The following LPP variants were observed in gnomAD, a reference collection of about 807,000 sequenced individuals.
LPP encodes LIM domain containing preferred translocation partner in lipoma, also known as lipoma-preferred partner.
In LPP, 38 loss-of-function variants were observed where a neutral mutation model predicts 60.4. That is an observed-to-expected ratio of 0.63 (90% CI 0.49 to 0.83). The LOEUF (loss-of-function observed/expected upper bound fraction) is 0.83, where lower values mean the gene tolerates loss of function less well. LPP is among the 40% of genes least tolerant of loss of function. LPP has a pLI of 0.00. For missense variants in LPP, 902 were observed against 783.6 expected (o/e 1.15, Z -1.80); for synonymous variants, 328 against 290.8 (o/e 1.13, Z -1.30).
intron 6 of LPP, among the ~76,000 whole-genome samples, chr3:188,525,174 T>A (rs898985943): frequency 2.0e-5 from 3 of 151,676 alleles, no homozygotes; most frequent in Admixed American, 2.0e-4. Flanking sequence ...ACCATGTTGG[T>A]CAGGCTGGTC....
At chr3:188,274,882 G>A (rs1416368478) in intron 2 of LPP, among the ~76,000 whole-genome samples, 1 of 152,158 alleles carries the variant, frequency 6.6e-6, no homozygotes. Flanking sequence ...TCCATTATGG[G>A]AAAAGGGTAG....
chr3:188,634,779 A>T (rs1848432162), intron 7 of LPP, among the ~76,000 whole-genome samples: 1 of 152,200 alleles, frequency 6.6e-6, no homozygotes, highest in Non-Finnish European at 1.5e-5. Flanking sequence ...GCTCCCACTG[A>T]TTCCACTGAT....
intron 5 of LPP, among the ~76,000 whole-genome samples, chr3:188,511,326 C>G (rs997243641): frequency 3.6e-5 from 5 of 137,526 alleles, no homozygotes; most frequent in Non-Finnish European, 7.8e-5. Flanking sequence ...CCCTCTCTCC[C>G]TCCCTCCCTC....
chr3:188,166,155 TG>T (rs1248463705), intron 1 of LPP, among the ~76,000 whole-genome samples: 1 of 152,070 alleles, frequency 6.6e-6, no homozygotes, highest in Admixed American at 6.5e-5. Context: ...CTATCAACCC[TG>T]ATTTTTTTTT....
rs1416407678 is a variant in LPP, at chr3:188,187,968, A to G, written c.-190+33716A>G. ...TTATTTTTTAATTCCTATATATTTAATAGCCACTCTCCTAGTCCACTGAGT... is the reference window on the plus strand; with the variant it reads ...TTATTTTTTAATTCCTATATATTTAGTAGCCACTCTCCTAGTCCACTGAGT... On this transcript the variant is annotated intron_variant, in intron 1 of 11. Transcript: ENST00000617246. Among the ~76,000 whole-genome samples, 18 of 152,112 alleles carry G rather than the reference A, an allele frequency of 1.2e-4. No individual in the cohort carries two copies. The East Asian group carries it at 3.1e-3, about 26-fold the overall frequency.
intron 6 of LPP, among the ~76,000 whole-genome samples, chr3:188,570,643 G>C (rs1833332655): frequency 6.6e-6 from 1 of 151,950 alleles, no homozygotes; most frequent in African/African-American, 2.4e-5. Flanking sequence ...AAATGCACCA[G>C]ATTTAATCAA....
intron 1 of LPP, among the ~76,000 whole-genome samples, chr3:188,178,219 T>G (rs552916099): frequency 1.3e-5 from 2 of 152,230 alleles, no homozygotes; most frequent in Non-Finnish European, 2.9e-5. Flanking sequence ...TGAGGCAGGT[T>G]GGGAATTCTG....
At chr3:188,708,455 A>G in intron 8 of LPP, 62 bp downstream of exon 8, 1 of 1,609,806 alleles carries the variant, frequency 6.2e-7, no homozygotes, top group Non-Finnish European at 8.5e-7. Flanking sequence ...CTTCCTTAGT[A>G]ATTGGAACTA....
intron 9 of LPP, among the ~76,000 whole-genome samples, chr3:188,804,355 G>T (rs1748431414): frequency 7.0e-6 from 1 of 142,556 alleles, no homozygotes; most frequent in Non-Finnish European, 1.5e-5. Context: ...AGAACTAGGG[G>T]TCGTTATCCT....
At chr3:188,460,597 A>G (rs1020944144) in intron 4 of LPP, among the ~76,000 whole-genome samples, 1 of 152,016 alleles carries the variant, frequency 6.6e-6, no homozygotes, top group African/African-American at 2.4e-5. Flanking sequence ...ATTACTTTTA[A>G]AACATGGTAT....
intron 8 of LPP, 59 bp downstream of exon 8, chr3:188,708,452 A>G (rs1378171249): frequency 1.2e-6 from 2 of 1,611,622 alleles, no homozygotes; most frequent in Admixed American, 1.7e-5. Context: ...TTCCTTCCTT[A>G]GTAATTGGAA....
At chr3:188,804,335 C>T (rs931709062) in intron 9 of LPP, among the ~76,000 whole-genome samples, 1 of 130,034 alleles carries the variant, frequency 7.7e-6, no homozygotes, top group Non-Finnish European at 1.6e-5. Context: ...TCTTTTGCAG[C>T]AACATGGATA....
rs77004976 is a variant in LPP at position 188,801,645 on chromosome 3, G to A, written c.1410+41363G>A. On this transcript the variant is annotated intron_variant, in intron 9 of 11. Coordinates refer to ENST00000617246, the MANE Select transcript of LPP (RefSeq NM_001375462.1). ...CACTCAGCTAGTTAGTACCAGAGTGGTACCCAGATCCGTGATGTCTTGACT... is the reference window on the plus strand; with the variant it reads ...CACTCAGCTAGTTAGTACCAGAGTGATACCCAGATCCGTGATGTCTTGACT... Among the ~76,000 whole-genome samples the A allele has an allele frequency of 1.0e-2, 1,515 of 152,198 alleles. 12 individuals carry two copies. Among genetic ancestry groups the A allele is most frequent in the Non-Finnish European group, 0.016 (1,095 of 68,014 alleles).
At chr3:188,221,821 A>T (rs1005410465) in intron 1 of LPP, among the ~76,000 whole-genome samples, 1 of 152,216 alleles carries the variant, frequency 6.6e-6, no homozygotes, top group Non-Finnish European at 1.5e-5. Context: ...TTTTTATCCC[A>T]AAGCTCCATG....
intron 3 of LPP, among the ~76,000 whole-genome samples, chr3:188,363,328 C>T (rs1306303196): frequency 1.3e-4 from 20 of 152,164 alleles, no homozygotes; most frequent in African/African-American, 4.3e-4. Flanking sequence ...AAGGTAAAAA[C>T]GACACTCTTG....
chr3:188,774,361 A>G (rs914693380), intron 9 of LPP, among the ~76,000 whole-genome samples: 1 of 152,048 alleles, frequency 6.6e-6, no homozygotes, highest in African/African-American at 2.4e-5. Flanking sequence ...ACCGTTTACC[A>G]CTTCTGCTTT....
chr3:188,695,842 C>A (rs1373941042), intron 7 of LPP, among the ~76,000 whole-genome samples: 3 of 152,166 alleles, frequency 2.0e-5, no homozygotes, highest in African/African-American at 4.8e-5. Context: ...TCTTGATTAA[C>A]CTTTACGATA....
chr3:188,821,175 A>G (rs1012632094), intron 9 of LPP, among the ~76,000 whole-genome samples: 1 of 151,538 alleles, frequency 6.6e-6, no homozygotes, highest in Non-Finnish European at 1.5e-5. Flanking sequence ...TTTTAGTTAC[A>G]GGTTGAATTC....
intron 2 of LPP, among the ~76,000 whole-genome samples, chr3:188,246,017 A>T (rs938205662): frequency 6.6e-6 from 1 of 152,230 alleles, no homozygotes; most frequent in African/African-American, 2.4e-5. Context: ...GACTGATACC[A>T]TAAAATCGTG....
Sources: gnomAD v4.1 joint callset for allele counts (sites outside exome capture counted in the v4.1 genomes callset) on GRCh38, gnomAD v4.1.1 for gene constraint, MANE v1.5 for transcripts, NCBI Gene and HGNC (gene_info 2026-07-23, HGNC 2026-07-21) for gene names.